The following LRRN3 variants were observed in gnomAD, a reference collection of about 807,000 sequenced individuals.
The protein encoded by LRRN3 is leucine rich repeat neuronal 3.
In LRRN3, 15 loss-of-function variants were observed where a neutral mutation model predicts 40.1. The ratio of observed to expected loss-of-function variants is 0.37; its 90% CI spans 0.25 to 0.58. The LOEUF (loss-of-function observed/expected upper bound fraction) is 0.58. Ranked by LOEUF, LRRN3 falls within the 20% of genes least tolerant of loss-of-function variation. LRRN3 has a pLI of 0.72. For synonymous variants in LRRN3, 308 were observed against 297.2 expected (o/e 1.04, Z -0.37); for missense variants, 746 against 837.7 (o/e 0.89, Z 1.35).
chr7:111,110,531 G>C (rs1195911436), intron 2 of LRRN3, among the ~76,000 whole-genome samples: 2 of 152,090 alleles, frequency 1.3e-5, no homozygotes, highest in Non-Finnish European at 2.9e-5. Context: ...TCGTTTTTCA[G>C]TTTGGATGTT....
rs541887645 is a variant in LRRN3, at chr7:111,119,793, C to T, written c.-358-2622C>T. ...AGGATGCAAAGCCAGGCAGGCCTCA[C>T]GCTCTCAAGGAGGTTAGTGCCTGGT... On this transcript the variant is annotated intron_variant, in intron 2 of 2. Coordinates refer to ENST00000308478, the MANE Select transcript of LRRN3 (RefSeq NM_001099658.2). Among the ~76,000 whole-genome samples, 7 of 152,216 alleles carry T rather than the reference C, an allele frequency of 4.6e-5. No homozygotes were observed. In the South Asian group the frequency reaches 6.2e-4, roughly 14 times the overall value.
chr7:111,116,372 A>T (rs1269440167), intron 2 of LRRN3, among the ~76,000 whole-genome samples: 1 of 152,174 alleles, frequency 6.6e-6, no homozygotes, highest in Non-Finnish European at 1.5e-5. Context: ...CAGTTTGAAA[A>T]TCTCAAAATA....
intron 2 of LRRN3, among the ~76,000 whole-genome samples, chr7:111,108,931 T>C (rs750618520): frequency 3.9e-5 from 6 of 152,190 alleles, no homozygotes; most frequent in Non-Finnish European, 7.4e-5. Flanking sequence ...ATATTCTAGC[T>C]AGGCATTGGA....
chr7:111,123,562 T>G lies in LRRN3; in HGVS notation c.790T>G (p.Phe264Val). The G allele has an allele frequency of 6.2e-7, 1 of 1,613,628 alleles. No individual in the cohort carries two copies. The highest frequency in any genetic ancestry group is 8.5e-7 in the Non-Finnish European group (1 of 1,179,724). The change falls in exon 3 of 3, where the codon TTT becomes GTT. Residue 264 changes from phenylalanine to valine, a missense_variant. Transcript: ENST00000308478. The surrounding 1 kb of genome is among the most constrained non-coding windows in gnomAD (Gnocchi z 6.4). The part of the protein sequence containing the change: ...VALQKVVNLK[F>V]LDLNKNPINR... Reference sequence around the variant, plus strand: ...TCTTCAAAAAGTTGTAAATCTCAAATTTTTGGATCTAAATAAAAATCCTAT... The same window carrying G: ...TCTTCAAAAAGTTGTAAATCTCAAAGTTTTGGATCTAAATAAAAATCCTAT...
At chr7:111,117,386 C>T (rs766778004) in intron 2 of LRRN3, among the ~76,000 whole-genome samples, 1 of 151,958 alleles carries the variant, frequency 6.6e-6, no homozygotes, top group Non-Finnish European at 1.5e-5. Flanking sequence ...TATCCTGTCC[C>T]CAGTTACAAA....
intron 2 of LRRN3, among the ~76,000 whole-genome samples, chr7:111,112,159 G>C (rs1799313085): frequency 6.6e-6 from 1 of 151,526 alleles, no homozygotes; most frequent in Non-Finnish European, 1.5e-5. Flanking sequence ...GCAGAGACTG[G>C]GTTTCGCCAT....
chr7:111,103,449 T>C (rs1798197619), intron 2 of LRRN3, among the ~76,000 whole-genome samples: 1 of 151,730 alleles, frequency 6.6e-6, no homozygotes, highest in Non-Finnish European at 1.5e-5. Flanking sequence ...CTAAGACATG[T>C]CATATAACTA....
At chr7:111,097,631 T>C (rs1231274524) in intron 1 of LRRN3, among the ~76,000 whole-genome samples, 2 of 151,944 alleles carry the variant, frequency 1.3e-5, no homozygotes, top group Non-Finnish European at 2.9e-5. Context: ...TTTTCAAACA[T>C]ACAATTCATG....
At chr7:111,092,620 C>T (rs1205033702) in intron 1 of LRRN3, among the ~76,000 whole-genome samples, 1 of 152,076 alleles carries the variant, frequency 6.6e-6, no homozygotes, top group Non-Finnish European at 1.5e-5. Context: ...AGAAGCAATG[C>T]CTTTGAGACA....
In LRRN3 at chr7:111,123,603, G is replaced by C; in HGVS notation, c.831G>C (p.Arg277Ser). 6.2e-7 allele frequency: 1 copy of C among 1,613,184 alleles called. No homozygotes were observed. The highest frequency in any genetic ancestry group is 8.5e-7 in the Non-Finnish European group (1 of 1,179,490). ...AAAATCCTATTAATAGAATACGAAG[G>C]GGTGATTTTAGCAATATGCTACACT... ...LNKNPINRIR[R>S]GDFSNMLHLK... Residue 277 changes from arginine to serine, a missense_variant, in exon 3 of 3, where the codon AGG (arginine) becomes AGC (serine). Physicochemically the swap from Arg to Ser is moderately radical, Grantham distance 110 (BLOSUM62 -1). Coordinates refer to ENST00000308478, the MANE Select transcript of LRRN3 (RefSeq NM_001099658.2). This position sits in a 1 kb window ranked among gnomAD's most constrained non-coding sequence, Gnocchi z 6.4.
intron 2 of LRRN3, among the ~76,000 whole-genome samples, chr7:111,103,473 C>T (rs867157470): frequency 1.1e-4 from 16 of 151,508 alleles, no homozygotes; most frequent in Non-Finnish European, 1.9e-4. Context: ...TGGTAAATAG[C>T]GTGATACATT....
intron 2 of LRRN3, among the ~76,000 whole-genome samples, chr7:111,100,869 A>C (rs1364946154): frequency 6.6e-6 from 1 of 151,680 alleles, no homozygotes; most frequent in Non-Finnish European, 1.5e-5. Context: ...AAATTGAACA[A>C]GTAGAACAAT....
chr7:111,119,993 A>G (rs888284784), intron 2 of LRRN3, among the ~76,000 whole-genome samples: 3 of 152,198 alleles, frequency 2.0e-5, no homozygotes, highest in South Asian at 4.1e-4. Flanking sequence ...AACATAATTT[A>G]AAACAAAGAA....
rs746637119 is a variant in LRRN3, at chr7:111,124,605, C to T, written c.1833C>T (p.Thr611=). 1 of 1,613,890 alleles carries T rather than the reference C, an allele frequency of 6.2e-7. No individual in the cohort carries two copies. Among genetic ancestry groups the T allele is most frequent in the Non-Finnish European group, 8.5e-7 (1 of 1,179,978 alleles). Residue 611 remains threonine, a synonymous_variant, in exon 3 of 3, where the codon ACC becomes ACT. Transcript: ENST00000308478. ...GAAAAAAATGTGTAAATGTCACCAC[C>T]AAAGGTTTGCACCCTGATCAAAAAG... is the stretch of plus-strand genomic sequence containing the variant. ...KNRKKCVNVT[T]KGLHPDQKEY... is the part of the protein sequence containing the mutation.
chr7:111,123,196 T>G lies in LRRN3; in HGVS notation c.424T>G (p.Leu142Val). Residue 142 changes from leucine to valine, a missense_variant, in exon 3 of 3, where the codon TTA (leucine) becomes GTA (valine). Coordinates refer to ENST00000308478, the MANE Select transcript of LRRN3 (RefSeq NM_001099658.2). This position sits in a 1 kb window ranked among gnomAD's most constrained non-coding sequence, Gnocchi z 6.4. ...PEKCLSELSN[L>V]QELYINHNLL... ...AAAATGTCTGTCCGAACTGAGCAAC[T>G]TACAAGAACTCTATATTAATCACAA... 6.2e-7 allele frequency: 1 copy of G among 1,613,998 alleles called. No individual in the cohort carries two copies. The highest frequency in any genetic ancestry group is 8.5e-7 in the Non-Finnish European group (1 of 1,179,962).
intron 2 of LRRN3, among the ~76,000 whole-genome samples, chr7:111,110,813 T>C (rs1799108359): frequency 6.6e-6 from 1 of 152,190 alleles, no homozygotes; most frequent in African/African-American, 2.4e-5. Context: ...TCTTGGCATA[T>C]TGGAACAGTA....
chr7:111,114,163 T>C (rs1025864237), intron 2 of LRRN3, among the ~76,000 whole-genome samples: 13 of 145,094 alleles, frequency 9.0e-5, no homozygotes, highest in African/African-American at 2.9e-4. Flanking sequence ...CACACACACA[T>C]TTTTGCCAGG....
chr7:111,111,490 G>C (rs190137293), intron 2 of LRRN3, among the ~76,000 whole-genome samples: 1 of 151,078 alleles, frequency 6.6e-6, no homozygotes. Context: ...AAGGCAAAAT[G>C]TATTTCATTT....
At position 111,124,636 on chromosome 7, in the gene LRRN3, G is replaced by C. The variant is rs775420803; in HGVS notation, c.1864G>C (p.Glu622Gln). Reference protein sequence around the residue: ...KGLHPDQKEYEKNNTTTLMAC... With the variant: ...KGLHPDQKEYQKNNTTTLMAC... Reference sequence around the variant, plus strand: ...TTTGCACCCTGATCAAAAAGAGTATGAAAAGAATAATACCACAACACTTAT... The same window carrying C: ...TTTGCACCCTGATCAAAAAGAGTATCAAAAGAATAATACCACAACACTTAT... The change falls in exon 3 of 3, where the codon GAA (glutamate) becomes CAA (glutamine). Residue 622 changes from glutamate (E) to glutamine (Q), a missense_variant. Glu to Gln is a conservative substitution (Grantham distance 29, BLOSUM62 2). Transcript: ENST00000308478. 1.2e-6 allele frequency: 2 copies of C among 1,613,954 alleles called. No homozygotes were observed. The highest frequency in any genetic ancestry group is 2.2e-5 in the South Asian group (2 of 91,074).
Sources: allele counts gnomAD v4.1 joint callset (sites outside exome capture counted in the v4.1 genomes callset), GRCh38; gene constraint gnomAD v4.1.1; non-coding constraint Gnocchi (gnomAD v3.1); transcripts MANE v1.5; gene names NCBI Gene and HGNC (gene_info 2026-07-23, HGNC 2026-07-21).